Variants in RRAS2 observed in about 807,000 individuals in gnomAD.
RRAS2 encodes the protein RAS related 2.
A neutral mutation model predicts 27.6 loss-of-function variants in RRAS2; 7 were observed. The ratio of observed to expected loss-of-function variants is 0.25; its 90% CI spans 0.14 to 0.48. The LOEUF (loss-of-function observed/expected upper bound fraction) is 0.48, where lower values mean the gene tolerates loss of function less well. RRAS2 is among the 20% of genes least tolerant of loss of function. The pLI is 0.99. For synonymous variants in RRAS2, 86 were observed against 90.9 expected, an observed-to-expected ratio of 0.95 and a Z score of 0.31; for missense variants, 178 against 256.2, an observed-to-expected ratio of 0.69 and a Z score of 2.08.
chr11:14,328,985 A>ATGTGTGTG (rs201186500), intron 1 of RRAS2, among the ~76,000 whole-genome samples: 1 of 139,698 alleles, frequency 7.2e-6, no homozygotes, highest in Non-Finnish European at 1.5e-5. Flanking sequence ...TTTTATATAT[A>ATGTGTGTG]TGTGTGTGTG....
chr11:14,340,673 A>G (rs941231348), intron 1 of RRAS2, among the ~76,000 whole-genome samples: 2 of 152,182 alleles, frequency 1.3e-5, no homozygotes, highest in Non-Finnish European at 2.9e-5. Context: ...TTAGTTCAGT[A>G]AAAATCTATC....
intron 1 of RRAS2, among the ~76,000 whole-genome samples, chr11:14,309,875 G>A (rs1847919970): frequency 6.6e-6 from 1 of 152,206 alleles, no homozygotes; most frequent in Admixed American, 6.5e-5. Flanking sequence ...AGGGTCTGAG[G>A]CAGATGAATA....
At chr11:14,360,699 A>G (rs548934245), upstream of RRAS2, among the ~76,000 whole-genome samples, 3 of 152,156 alleles carry the variant, frequency 2.0e-5, no homozygotes, top group Non-Finnish European at 4.4e-5. Context: ...AGGCGGGCGG[A>G]TCGCTTGAGC....
At chr11:14,334,009 T>C (rs1848539617) in intron 1 of RRAS2, among the ~76,000 whole-genome samples, 1 of 152,266 alleles carries the variant, frequency 6.6e-6, no homozygotes, top group African/African-American at 2.4e-5. Context: ...TTAATCCATC[T>C]TCATTATTGA....
At chr11:14,364,363 C>T in intron 1 of RRAS2, 2 of 1,535,480 alleles carry the variant, frequency 1.3e-6, no homozygotes, top group Non-Finnish European at 1.7e-6. Flanking sequence ...GAAGGCCAAG[C>T]CCCCAGATCA....
chr11:14,360,646 G>A (rs932023335), upstream of RRAS2, among the ~76,000 whole-genome samples: 2 of 152,074 alleles, frequency 1.3e-5, no homozygotes, highest in African/African-American at 4.8e-5. Flanking sequence ...GGATGGCTGG[G>A]CGCAATGGCT....
chr11:14,363,770 C>T (rs1355280255), upstream of RRAS2, among the ~76,000 whole-genome samples: 3 of 142,428 alleles, frequency 2.1e-5, no homozygotes, highest in African/African-American at 7.9e-5. Context: ...GACTCCGTCT[C>T]AAAAAATAAA....
At position 14,335,622 on chromosome 11, in the gene RRAS2, A is replaced by G. The variant is rs188829091; in HGVS notation, c.108+23141T>C. On this transcript the variant is annotated intron_variant, in intron 1 of 5. Coordinates refer to ENST00000256196, the MANE Select transcript of RRAS2 (RefSeq NM_012250.6). ...TAAAATAACTTTTTCTTCTGAAAAG[A>G]TAGAGTAGACATACTTTTCCCTATT... is the stretch of plus-strand genomic sequence containing the variant. Among the ~76,000 whole-genome samples, 792 of 152,344 alleles carry G rather than the reference A, an allele frequency of 5.2e-3. 17 individuals are homozygous for G. The highest frequency in any genetic ancestry group is 4.5e-3 in the Non-Finnish European group (303 of 68,036).
chr11:14,345,503 T>C (rs1474659654), intron 1 of RRAS2, among the ~76,000 whole-genome samples: 1 of 152,202 alleles, frequency 6.6e-6, no homozygotes, highest in Non-Finnish European at 1.5e-5. Flanking sequence ...TAAGATAATG[T>C]CAAGGTGAAC....
At chr11:14,340,822 C>G (rs1848690506) in intron 1 of RRAS2, among the ~76,000 whole-genome samples, 1 of 152,168 alleles carries the variant, frequency 6.6e-6, no homozygotes, top group African/African-American at 2.4e-5. Flanking sequence ...CTTACCTACC[C>G]CTACCCATTT....
chr11:14,302,073 T>TAC (rs57730782), intron 1 of RRAS2, among the ~76,000 whole-genome samples: 1,481 of 142,448 alleles, frequency 0.01, 17 homozygotes, highest in African/African-American at 0.025. Flanking sequence ...ACCACACACA[T>TAC]ACACACACAC....
intron 1 of RRAS2, among the ~76,000 whole-genome samples, chr11:14,297,085 T>C (rs1554946753): frequency 6.6e-6 from 1 of 152,136 alleles, no homozygotes; most frequent in African/African-American, 2.4e-5. Context: ...AGAGTGCATT[T>C]CCCTCTTCTT....
At chr11:14,329,405 C>T (rs1437349915) in intron 1 of RRAS2, among the ~76,000 whole-genome samples, 9 of 152,274 alleles carry the variant, frequency 5.9e-5, no homozygotes, top group East Asian at 1.9e-4. Context: ...CAAGCCACCA[C>T]GTGGGGCCAA....
chr11:14,326,184 G>A (rs1388748909), intron 1 of RRAS2, among the ~76,000 whole-genome samples: 2 of 152,136 alleles, frequency 1.3e-5, no homozygotes, highest in African/African-American at 2.4e-5. Flanking sequence ...CACAGAATAT[G>A]TGCAAATCTG....
Position 14,339,823 on chromosome 11 carries a change from T to C in RRAS2, c.108+18940A>G, listed in dbSNP as rs562903877. On this transcript the variant is annotated intron_variant, in intron 1 of 5. Transcript: ENST00000256196. ...ACATTTTATTTTATACATTTAAAAA[T>C]AGTATTCTGGCTGGGAGCAGTGGCT... is the stretch of plus-strand genomic sequence containing the variant. Among the ~76,000 whole-genome samples the C allele has an allele frequency of 6.6e-5, 10 of 152,228 alleles. No homozygotes were observed. In the East Asian group the frequency reaches 1.7e-3, roughly 27 times the overall value.
chr11:14,294,722 A>AG, intron 3 of RRAS2, 38 bp downstream of exon 3: 1 of 1,584,474 alleles, frequency 6.3e-7, no homozygotes, highest in South Asian at 1.1e-5. Flanking sequence ...AGTGATCTTG[A>AG]CAAGAACAGT....
Position 14,294,869 on chromosome 11 carries a change from A to G in RRAS2, c.197-7T>C. On this transcript the variant is annotated splice_polypyrimidine_tract_variant and splice_region_variant and intron_variant, in intron 2 of 5. Transcript: ENST00000256196. The stretch of plus-strand genomic sequence containing the variant: ...TGTCCTGCTGTATCCAAAACTAAAG[A>G]AAAAACAACAAATGTAATTATACTT... 6 of 1,609,772 alleles carry G rather than the reference A, an allele frequency of 3.7e-6. No individual in the cohort carries two copies. Among genetic ancestry groups the G allele is most frequent in the Non-Finnish European group, 5.1e-6 (6 of 1,176,446 alleles).
chr11:14,293,937 T>C (rs1472448475), intron 4 of RRAS2, among the ~76,000 whole-genome samples: 1 of 152,214 alleles, frequency 6.6e-6, no homozygotes, highest in Non-Finnish European at 1.5e-5. Context: ...GCCTGCAAAC[T>C]AAATACTAAA....
At chr11:14,329,174 G>A (rs750673382) in intron 1 of RRAS2, among the ~76,000 whole-genome samples, 1 of 151,404 alleles carries the variant, frequency 6.6e-6, no homozygotes, top group African/African-American at 2.4e-5. Flanking sequence ...CCAATGGCGC[G>A]ATCTCAGCTC....
Sources: gnomAD v4.1 joint callset for allele counts (sites outside exome capture counted in the v4.1 genomes callset) on GRCh38, gnomAD v4.1.1 for gene constraint, MANE v1.5 for transcripts, NCBI Gene and HGNC (gene_info 2026-07-23, HGNC 2026-07-21) for gene names.